Variants in CADPS2 observed in about 807,000 individuals in gnomAD.
CADPS2 encodes calcium-dependent secretion activator 2.
CADPS2 carries 93 observed loss-of-function variants against 172.5 expected under a neutral mutation model. The ratio of observed to expected loss-of-function variants is 0.54; its 90% CI spans 0.46 to 0.64. The LOEUF (loss-of-function observed/expected upper bound fraction) is 0.64, where lower values mean the gene tolerates loss of function less well. Ranked by LOEUF, CADPS2 falls within the 30% of genes least tolerant of loss-of-function variation. The pLI, the probability that CADPS2 is intolerant of heterozygous loss-of-function variation, is 0.00. For synonymous variants in CADPS2, 546 were observed against 555.2 expected, an observed-to-expected ratio of 0.98 and a Z score of 0.23; for missense variants, 1,420 against 1,565.9, an observed-to-expected ratio of 0.91 and a Z score of 1.57.
chr7:122,496,669 C>T (rs1012434129), intron 9 of CADPS2, among the ~76,000 whole-genome samples: 3 of 151,878 alleles, frequency 2.0e-5, no homozygotes, highest in African/African-American at 7.3e-5. Context: ...CTTTGTGGTT[C>T]TATTTTTGGT....
intron 2 of CADPS2, chr7:122,697,697 A>G: frequency 9.9e-7 from 1 of 1,006,856 alleles, no homozygotes. Context: ...AAAAGGACAC[A>G]AAAACCACAC....
chr7:122,550,559 TTTAA>T (rs1300883737), intron 8 of CADPS2, among the ~76,000 whole-genome samples: 5 of 152,210 alleles, frequency 3.3e-5, no homozygotes, highest in Non-Finnish European at 7.3e-5. Flanking sequence ...CAGTTATAGA[TTTAA>T]TTGTCATAAC....
rs764646375 is a variant in CADPS2, at chr7:122,474,491, T to C, written c.1888A>G (p.Met630Val). 11 of 1,613,188 alleles carry C rather than the reference T, an allele frequency of 6.8e-6. No individual in the cohort carries two copies. The highest frequency in any genetic ancestry group is 9.3e-6 in the Non-Finnish European group (11 of 1,179,548). ...KDADRFQKHG[M>V]DEFISANPCK... ...GGGTTTGCAGAAATAAACTCATCCA[T>C]ACCATGTTTCTGAAAACGATCTGCA... The change falls in exon 13 of 30, where the codon ATG becomes GTG. Residue 630 changes from methionine (M) to valine (V), a missense_variant. Physicochemically the swap from Met to Val is conservative, Grantham distance 21 (BLOSUM62 1). Transcript: ENST00000449022.
chr7:122,564,381 T>C (rs1183143132), intron 7 of CADPS2, among the ~76,000 whole-genome samples: 2 of 152,156 alleles, frequency 1.3e-5, no homozygotes, highest in African/African-American at 4.8e-5. Context: ...TGATCTTGGC[T>C]CACTGCAACC....
chr7:122,856,328 G>C (rs1424532112), intron 1 of CADPS2, among the ~76,000 whole-genome samples: 1 of 152,140 alleles, frequency 6.6e-6, no homozygotes, highest in Non-Finnish European at 1.5e-5. Flanking sequence ...CATCCCACCA[G>C]TGGCATCAGC....
intron 2 of CADPS2, among the ~76,000 whole-genome samples, chr7:122,667,083 C>T (rs937141311): frequency 2.6e-5 from 4 of 152,086 alleles, no homozygotes; most frequent in African/African-American, 7.2e-5. Context: ...TTATATTAAG[C>T]GTTCCCTGTT....
intron 25 of CADPS2, among the ~76,000 whole-genome samples, chr7:122,377,773 T>C (rs935155795): frequency 2.0e-5 from 3 of 152,078 alleles, no homozygotes; most frequent in African/African-American, 7.2e-5. Context: ...TATCCACTTG[T>C]TGGTGAGTGT....
At chr7:122,504,253 A>G (rs10236291) in intron 9 of CADPS2, among the ~76,000 whole-genome samples, 65,470 of 152,048 alleles carry the variant, frequency 0.43, 14,459 homozygotes, top group African/African-American at 0.53. Flanking sequence ...ATGTGGGAGT[A>G]CCTAGCACAA....
At chr7:122,365,482 C>T (rs1166859593) in intron 25 of CADPS2, among the ~76,000 whole-genome samples, 3 of 152,154 alleles carry the variant, frequency 2.0e-5, no homozygotes, top group African/African-American at 7.2e-5. Flanking sequence ...TACCTTCCAC[C>T]TGGCTTTTAA....
intron 10 of CADPS2, 39 bp from the exon 11 acceptor site, chr7:122,490,320 G>A: frequency 6.3e-7 from 1 of 1,583,572 alleles, no homozygotes; most frequent in Non-Finnish European, 8.6e-7. Context: ...AAAATTTATA[G>A]GATTGGCAGA....
Position 122,379,451 on chromosome 7 carries a change from T to A in CADPS2, c.3313-9A>T. ...TTTGAATGGTACTGTTGCTAGATAT[T>A]AAAAGATAAAAACTCATTAGTTGAC... On this transcript the variant is annotated splice_polypyrimidine_tract_variant and intron_variant, in intron 24 of 29. Transcript: ENST00000449022. The A allele has an allele frequency of 6.3e-7, 1 of 1,580,374 alleles. No individual in the cohort carries two copies. Among genetic ancestry groups the A allele is most frequent in the Non-Finnish European group, 8.7e-7 (1 of 1,153,242 alleles).
At chr7:122,375,398 T>C (rs2042222702) in intron 25 of CADPS2, among the ~76,000 whole-genome samples, 1 of 152,108 alleles carries the variant, frequency 6.6e-6, no homozygotes, top group Non-Finnish European at 1.5e-5. Flanking sequence ...AGCAGATGTA[T>C]AGGCCAATAG....
At chr7:122,884,697 A>T (rs1307282682) in intron 1 of CADPS2, among the ~76,000 whole-genome samples, 1 of 152,198 alleles carries the variant, frequency 6.6e-6, no homozygotes, top group Non-Finnish European at 1.5e-5. Flanking sequence ...TTTTTCTAAG[A>T]GGATAGATCT....
At chr7:122,795,482 T>G (rs1229457969) in intron 1 of CADPS2, among the ~76,000 whole-genome samples, 1 of 151,790 alleles carries the variant, frequency 6.6e-6, no homozygotes, top group Non-Finnish European at 1.5e-5. Context: ...AAAAGCAAAC[T>G]GAATCCGGCA....
chr7:122,451,361 A>C lies in CADPS2; in HGVS notation c.2288+13T>G. 7.6e-7 allele frequency: 1 copy of C among 1,322,558 alleles called. No individual in the cohort carries two copies. The highest frequency in any genetic ancestry group is 1.0e-6 in the Non-Finnish European group (1 of 978,452). 81.9% of individuals were successfully genotyped at this position (1,322,558 alleles called of 1,614,324 possible). On this transcript the variant is annotated intron_variant, in intron 15 of 29. Coordinates refer to ENST00000449022, the MANE Select transcript of CADPS2 (RefSeq NM_017954.11). ...ATGAAAAGAAATATTTATATTAATAAAAAAATATATACCTGAAATGGCTTA... is the reference window on the plus strand; with the variant it reads ...ATGAAAAGAAATATTTATATTAATACAAAAATATATACCTGAAATGGCTTA...
chr7:122,342,333 G>A (rs756158405), intron 28 of CADPS2, among the ~76,000 whole-genome samples: 20 of 152,134 alleles, frequency 1.3e-4, no homozygotes, highest in Non-Finnish European at 2.2e-4. Flanking sequence ...CCAATGTCAT[G>A]TTTTTGGTCT....
intron 2 of CADPS2, among the ~76,000 whole-genome samples, chr7:122,734,400 G>GAA (rs2091988201): frequency 1.2e-5 from 1 of 85,748 alleles, no homozygotes; most frequent in Non-Finnish European, 2.3e-5. Flanking sequence ...AAAAAAAAAA[G>GAA]AAAATCTGGA....
intron 1 of CADPS2, among the ~76,000 whole-genome samples, chr7:122,823,486 C>T (rs1328590588): frequency 3.9e-5 from 6 of 152,008 alleles, no homozygotes; most frequent in African/African-American, 1.2e-4. Context: ...AAATGCCTCT[C>T]ATATGATTTA....
chr7:122,366,067 G>C (rs2040800845), intron 25 of CADPS2, among the ~76,000 whole-genome samples: 1 of 148,880 alleles, frequency 6.7e-6, no homozygotes, highest in South Asian at 2.1e-4. Flanking sequence ...AAAACTAAGT[G>C]TTTTCTGTGG....
Sources: allele counts gnomAD v4.1 joint callset (sites outside exome capture counted in the v4.1 genomes callset), GRCh38; gene constraint gnomAD v4.1.1; transcripts MANE v1.5; gene names NCBI Gene and HGNC (gene_info 2026-07-23, HGNC 2026-07-21).